Variants in SMAP1 observed in about 807,000 individuals in gnomAD.
SMAP1 encodes the protein small ArfGAP 1, also known as stromal membrane-associated protein 1.
A neutral mutation model predicts 58.5 loss-of-function variants in SMAP1; 24 were observed. The ratio of observed to expected loss-of-function variants is 0.41; its 90% CI spans 0.30 to 0.58. The LOEUF is 0.58. Among genes scored for constraint, SMAP1 ranks in the 20% least tolerant of loss-of-function variants. The pLI is 0.29. For synonymous variants in SMAP1, 216 were observed against 196.6 expected (o/e 1.10, Z -0.82); for missense variants, 563 against 566.3 (o/e 0.99, Z 0.06).
intron 3 of SMAP1, among the ~76,000 whole-genome samples, chr6:70,770,074 G>T (rs1767206502): frequency 6.6e-6 from 1 of 151,552 alleles, no homozygotes; most frequent in Non-Finnish European, 1.5e-5. Context: ...TTGAATATTG[G>T]CCCCCACTCT....
At chr6:70,758,615 T>C (rs1314195465) in intron 3 of SMAP1, among the ~76,000 whole-genome samples, 2 of 151,922 alleles carry the variant, frequency 1.3e-5, no homozygotes, top group Non-Finnish European at 1.5e-5. Flanking sequence ...GGAAGAATAG[T>C]TGGAGGTGGG....
At chr6:70,668,412 C>A in intron 1 of SMAP1, 1 of 1,073,660 alleles carries the variant, frequency 9.3e-7, no homozygotes. Context: ...GCCAGGGTAG[C>A]GATGCTCGGA....
chr6:70,811,573 GAC>G (rs139108005), intron 6 of SMAP1, among the ~76,000 whole-genome samples: 5 of 150,304 alleles, frequency 3.3e-5, no homozygotes, highest in Non-Finnish European at 5.9e-5. Flanking sequence ...CACCCCTGCT[GAC>G]ACACACACAC....
chr6:70,815,173 G>A (rs1769565137), intron 6 of SMAP1, among the ~76,000 whole-genome samples: 1 of 152,088 alleles, frequency 6.6e-6, no homozygotes, highest in African/African-American at 2.4e-5. Flanking sequence ...TCTTATCTGG[G>A]TACAGTAATT....
chr6:70,788,745 A>T (rs1401099724), intron 4 of SMAP1, among the ~76,000 whole-genome samples: 1 of 152,128 alleles, frequency 6.6e-6, no homozygotes, highest in Non-Finnish European at 1.5e-5. Context: ...GGGAGGAAAG[A>T]ATAGGGGGAT....
In SMAP1 at chr6:70,696,951, T is replaced by C. The variant is rs140322019; in HGVS notation, c.118+28810T>C. On this transcript the variant is annotated intron_variant, in intron 1 of 10. Coordinates refer to ENST00000370455, the MANE Select transcript of SMAP1 (RefSeq NM_001044305.3). ...GGTGCATATATATTTACAATTGTTA[T>C]ATCATCTTGCTGAGTTGACCCCTTT... 6.8e-3 allele frequency among the ~76,000 whole-genome samples: 1,034 copies of C among 152,364 alleles called. 7 individuals are homozygous for C. The highest frequency in any genetic ancestry group is 0.027 in the Middle Eastern group (8 of 294).
chr6:70,798,058 C>G (rs1014179536), intron 5 of SMAP1, among the ~76,000 whole-genome samples: 4 of 152,082 alleles, frequency 2.6e-5, no homozygotes, highest in African/African-American at 9.7e-5. Context: ...CTGCCTTACA[C>G]TAGTCAGTTG....
intron 6 of SMAP1, among the ~76,000 whole-genome samples, chr6:70,823,902 A>G (rs1425337557): frequency 6.8e-6 from 1 of 146,198 alleles, no homozygotes; most frequent in East Asian, 2.0e-4. Context: ...TTAAATCTTC[A>G]TTGTAGGAAC....
At chr6:70,683,318 C>T (rs1427186205) in intron 1 of SMAP1, among the ~76,000 whole-genome samples, 7 of 151,564 alleles carry the variant, frequency 4.6e-5, no homozygotes, top group South Asian at 2.1e-4. Flanking sequence ...TACAGGTGCC[C>T]GCCACCACGC....
At chr6:70,719,098 T>C (rs898486882) in intron 1 of SMAP1, among the ~76,000 whole-genome samples, 1 of 152,150 alleles carries the variant, frequency 6.6e-6, no homozygotes, top group Non-Finnish European at 1.5e-5. Context: ...TCTTTAACAG[T>C]AGCAGGTGAA....
intron 1 of SMAP1, among the ~76,000 whole-genome samples, chr6:70,678,393 A>G (rs538931778): frequency 6.6e-6 from 1 of 152,356 alleles, no homozygotes; most frequent in South Asian, 2.1e-4. Context: ...TATAGGAAAA[A>G]TTCATAAAAA....
intron 2 of SMAP1, among the ~76,000 whole-genome samples, chr6:70,743,656 A>G (rs2149875772): frequency 6.6e-6 from 1 of 152,310 alleles, no homozygotes; most frequent in East Asian, 1.9e-4. Flanking sequence ...ATTTCTCATT[A>G]TAATTTGATC....
At chr6:70,820,539 T>C (rs527442003) in intron 6 of SMAP1, among the ~76,000 whole-genome samples, 48 of 152,232 alleles carry the variant, frequency 3.2e-4, no homozygotes, top group Middle Eastern at 3.4e-3. Flanking sequence ...ACCCCGTCTC[T>C]ACTAAAAATA....
intron 2 of SMAP1, among the ~76,000 whole-genome samples, chr6:70,751,759 G>A (rs781190425): frequency 5.9e-5 from 9 of 152,112 alleles, no homozygotes; most frequent in Non-Finnish European, 8.8e-5. Context: ...TAAGTACTAA[G>A]TATTAAAATA....
At chr6:70,817,484 A>G (rs1236355308) in intron 6 of SMAP1, among the ~76,000 whole-genome samples, 2 of 152,174 alleles carry the variant, frequency 1.3e-5, no homozygotes, top group Admixed American at 1.3e-4. Context: ...CATTGCTTTC[A>G]GAAAACTGGG....
At chr6:70,740,093 A>G (rs995346909) in intron 2 of SMAP1, among the ~76,000 whole-genome samples, 4 of 152,130 alleles carry the variant, frequency 2.6e-5, no homozygotes, top group South Asian at 2.1e-4. Context: ...TTGTAGAGCT[A>G]TTATTCTTAC....
At chr6:70,692,664 T>C (rs1224704359) in intron 1 of SMAP1, among the ~76,000 whole-genome samples, 3 of 152,256 alleles carry the variant, frequency 2.0e-5, no homozygotes, top group Admixed American at 2.0e-4. Context: ...TACCATTTAC[T>C]GGAGAGACTG....
chr6:70,843,186 A>G (rs1486086466), intron 7 of SMAP1, among the ~76,000 whole-genome samples: 1 of 148,616 alleles, frequency 6.7e-6, no homozygotes, highest in Admixed American at 6.7e-5. Flanking sequence ...AACTAATAAT[A>G]AAACTAACAA....
At chr6:70,810,888 A>G (rs1329894558) in intron 6 of SMAP1, among the ~76,000 whole-genome samples, 1 of 152,146 alleles carries the variant, frequency 6.6e-6, no homozygotes, top group South Asian at 2.1e-4. Flanking sequence ...CTTTACTAAC[A>G]TTCCATCAAA....
Sources: gnomAD v4.1 joint callset for allele counts (sites outside exome capture counted in the v4.1 genomes callset) on GRCh38, gnomAD v4.1.1 for gene constraint, MANE v1.5 for transcripts, NCBI Gene and HGNC (gene_info 2026-07-23, HGNC 2026-07-21) for gene names.